The following LYZL4 variants were observed in gnomAD, a reference collection of about 807,000 sequenced individuals.
LYZL4 encodes lysozyme-like protein 4.
Under a neutral mutation model 17.6 loss-of-function variants are expected in LYZL4, and 13 were observed. The ratio of observed to expected loss-of-function variants is 0.74; its 90% CI spans 0.48 to 1.18. The LOEUF (loss-of-function observed/expected upper bound fraction) is 1.18. Among genes scored for constraint, LYZL4 ranks in the 50% most tolerant of loss-of-function variants. The pLI is 0.00. For synonymous variants in LYZL4, 64 were observed against 67.7 expected, an observed-to-expected ratio of 0.95 and a Z score of 0.27; for missense variants, 174 against 188.2, an observed-to-expected ratio of 0.92 and a Z score of 0.44.
At position 42,403,940 on chromosome 3, in the gene LYZL4, A is replaced by G; in HGVS notation, c.371+106T>C. ...TTACCTTGGTGAGTCAGAGCCTTTT[A>G]GTTTTGGCACTGCACGTGCGCAACA... On this transcript the variant is annotated intron_variant, in intron 4 of 4. Coordinates refer to ENST00000287748, the MANE Select transcript of LYZL4 (RefSeq NM_144634.4). 9 of 724,924 alleles carry G rather than the reference A, an allele frequency of 1.2e-5. No individual in the cohort carries two copies. The South Asian group carries it at 1.8e-4, about 14-fold the overall frequency. 44.9% of individuals were successfully genotyped at this position (724,924 alleles called of 1,614,324 possible). A position where few individuals can be genotyped will look rare whatever the true frequency, so the allele number is the denominator to read the frequency against.
chr3:42,388,446 C>T, the LYZL4 span, among the ~76,000 whole-genome samples: 2 of 152,206 alleles, frequency 1.3e-5, no homozygotes, highest in Non-Finnish European at 1.5e-5. Context: ...GATGATTCAA[C>T]CCAAGCTCCT....
chr3:42,401,149 C>T (rs1169866282), intron 4 of LYZL4, among the ~76,000 whole-genome samples: 2 of 152,102 alleles, frequency 1.3e-5, no homozygotes, highest in Admixed American at 6.5e-5. Flanking sequence ...GAGGATAAAG[C>T]TAACACGGGA....
At chr3:42,386,413 G>A in the LYZL4 span, among the ~76,000 whole-genome samples, 47 of 22,072 alleles carry the variant, frequency 2.1e-3, no homozygotes, top group African/African-American at 5.1e-3. Flanking sequence ...CCCCCCCCCC[G>A]CCTCCCTCTT....
chr3:42,391,661 G>A, the LYZL4 span, among the ~76,000 whole-genome samples: 3 of 152,126 alleles, frequency 2.0e-5, no homozygotes, highest in Non-Finnish European at 2.9e-5. Context: ...ACTTGGATAC[G>A]TTTTTTGAGG....
chr3:42,380,269 C>A, the LYZL4 span, among the ~76,000 whole-genome samples: 42 of 152,316 alleles, frequency 2.8e-4, no homozygotes, highest in African/African-American at 9.9e-4. Flanking sequence ...GTGTTTACTG[C>A]CCTGTTTTAT....
the LYZL4 span, among the ~76,000 whole-genome samples, chr3:42,377,810 C>T: frequency 6.6e-6 from 1 of 152,132 alleles, no homozygotes; most frequent in African/African-American, 2.4e-5. Flanking sequence ...CTTAAAGGAC[C>T]TCAGAATCAC....
the LYZL4 span, among the ~76,000 whole-genome samples, chr3:42,381,972 G>A: frequency 1.3e-5 from 2 of 152,146 alleles, no homozygotes; most frequent in Non-Finnish European, 2.9e-5. Context: ...AAACATCCTA[G>A]GGATCACACT....
At chr3:42,384,496 G>T in the LYZL4 span, among the ~76,000 whole-genome samples, 343 of 152,228 alleles carry the variant, frequency 2.3e-3, 1 homozygote, top group African/African-American at 7.7e-3. Flanking sequence ...TGAGGAGGAG[G>T]TTTCTTCGAG....
At chr3:42,384,782 G>GGT in the LYZL4 span, among the ~76,000 whole-genome samples, 1,082 of 151,236 alleles carry the variant, frequency 7.2e-3, 6 homozygotes, top group Middle Eastern at 0.014. Context: ...GGAAGGATGG[G>GGT]GTGTGTGTGT....
intron 3 of LYZL4, among the ~76,000 whole-genome samples, chr3:42,405,866 A>G (rs1480827843): frequency 6.6e-6 from 1 of 152,032 alleles, no homozygotes; most frequent in African/African-American, 2.4e-5. Flanking sequence ...TACCCACCTC[A>G]TGGGTATTTA....
the LYZL4 span, among the ~76,000 whole-genome samples, chr3:42,360,841 G>T: frequency 2.6e-5 from 4 of 151,970 alleles, no homozygotes; most frequent in Admixed American, 2.6e-4. Flanking sequence ...CTGTATCAGA[G>T]ATGTCTGAAT....
chr3:42,391,922 TAGAGTGCA>T, the LYZL4 span, among the ~76,000 whole-genome samples: 2 of 151,918 alleles, frequency 1.3e-5, no homozygotes, highest in Admixed American at 1.3e-4. Flanking sequence ...TCACCCAGGC[TAGAGTGCA>T]GTGGTGCGAT....
chr3:42,370,218 A>G, the LYZL4 span, among the ~76,000 whole-genome samples: 1 of 152,188 alleles, frequency 6.6e-6, no homozygotes, highest in Non-Finnish European at 1.5e-5. Context: ...CCCACTGGCA[A>G]CACTGCCCCT....
At chr3:42,382,759 T>C in the LYZL4 span, among the ~76,000 whole-genome samples, 2 of 151,846 alleles carry the variant, frequency 1.3e-5, no homozygotes, top group Non-Finnish European at 2.9e-5. Context: ...CTTAAAGGAA[T>C]TTTTTAAATA....
At chr3:42,387,580 A>G in the LYZL4 span, among the ~76,000 whole-genome samples, 1 of 151,760 alleles carries the variant, frequency 6.6e-6, no homozygotes, top group African/African-American at 2.4e-5. Flanking sequence ...CCAACCCCTC[A>G]TCGCCGTCCC....
chr3:42,392,830 A>T (rs534605218), downstream of LYZL4, among the ~76,000 whole-genome samples: 1 of 152,128 alleles, frequency 6.6e-6, no homozygotes, highest in South Asian at 2.1e-4. Flanking sequence ...GCGTTCAAAG[A>T]GTGGGGTCTT....
the LYZL4 span, among the ~76,000 whole-genome samples, chr3:42,381,342 T>G: frequency 1.3e-5 from 2 of 152,188 alleles, no homozygotes; most frequent in African/African-American, 4.8e-5. Context: ...TCAATCTATA[T>G]CAATTCATCG....
intron 1 of LYZL4, chr3:42,407,566 C>T (rs1698781870): frequency 1.8e-5 from 6 of 341,646 alleles, no homozygotes; most frequent in Non-Finnish European, 3.2e-5. Flanking sequence ...TCCAGCAAAA[C>T]CCATTGGCTC....
chr3:42,403,972 A>T (rs1698704515), intron 4 of LYZL4, 74 bp downstream of exon 4: 1 of 1,145,616 alleles, frequency 8.7e-7, no homozygotes, highest in Admixed American at 2.0e-5. Flanking sequence ...AACAGCCAAG[A>T]TTTAGCCAAG....
Sources: allele counts gnomAD v4.1 joint callset (sites outside exome capture counted in the v4.1 genomes callset), GRCh38; gene constraint gnomAD v4.1.1; transcripts MANE v1.5; gene names NCBI Gene and HGNC (gene_info 2026-07-23, HGNC 2026-07-21).